The following CD300A variants were observed in gnomAD, a reference collection of about 807,000 sequenced individuals.
The protein encoded by CD300A is CD300a molecule.
A neutral mutation model predicts 33.6 loss-of-function variants in CD300A; 22 were observed. The observed-to-expected ratio is 0.66, with a 90% CI of 0.47 to 0.94. CD300A has a LOEUF of 0.94. Among genes scored for constraint, CD300A ranks in the 40% least tolerant of loss-of-function variants. The pLI, the probability that CD300A is intolerant of heterozygous loss-of-function variation, is 0.00. For missense variants in CD300A, 326 were observed against 360.5 expected, an observed-to-expected ratio of 0.90 and a Z score of 0.77; for synonymous variants, 136 against 148.1, an observed-to-expected ratio of 0.92 and a Z score of 0.59.
At chr17:74,483,620 G>T (rs1442550788) in intron 6 of CD300A, among the ~76,000 whole-genome samples, 1 of 152,166 alleles carries the variant, frequency 6.6e-6, no homozygotes, top group African/African-American at 2.4e-5. Flanking sequence ...GCCTCCCAAA[G>T]TGCTGGGATT....
chr17:74,468,874 T>A (rs573831713), intron 1 of CD300A, among the ~76,000 whole-genome samples: 29 of 152,320 alleles, frequency 1.9e-4, no homozygotes, highest in Non-Finnish European at 3.7e-4. Flanking sequence ...CCCAAGGTGG[T>A]CTCGAACTCC....
intron 1 of CD300A, among the ~76,000 whole-genome samples, chr17:74,468,860 G>A (rs1905903741): frequency 6.6e-6 from 1 of 152,178 alleles, no homozygotes; most frequent in African/African-American, 2.4e-5. Context: ...GTTTCACCAT[G>A]TTGCCCAAGG....
intron 1 of CD300A, among the ~76,000 whole-genome samples, chr17:74,471,458 T>C (rs1906095575): frequency 6.6e-6 from 1 of 152,216 alleles, no homozygotes; most frequent in Non-Finnish European, 1.5e-5. Flanking sequence ...ATTTTATACC[T>C]GTGATCTCAT....
chr17:74,477,646 C>T, intron 4 of CD300A, 116 bp downstream of exon 4: 1 of 628,210 alleles, frequency 1.6e-6, no homozygotes, highest in Non-Finnish European at 2.8e-6. Context: ...ATGTGACACC[C>T]AGACCACACA....
chr17:74,474,258 T>A (rs7212146), intron 2 of CD300A, among the ~76,000 whole-genome samples: 2,273 of 152,156 alleles, frequency 0.015, 21 homozygotes, highest in Admixed American at 0.026. Flanking sequence ...ATTTGCAGTG[T>A]AGACAGACTC....
In CD300A at chr17:74,484,098, C is replaced by T. The variant is rs867758819; in HGVS notation, c.872C>T (p.Ser291Leu). The change falls in exon 7 of 7, where the codon TCA becomes TTA. Residue 291 changes from serine (S) to leucine (L), a missense_variant. Physicochemically the swap from Ser to Leu is moderately radical, Grantham distance 145 (BLOSUM62 -2). Coordinates refer to ENST00000360141, the MANE Select transcript of CD300A (RefSeq NM_007261.4). ...AQRPREEEPD[S>L]DYSVIRKT is the part of the protein sequence containing the mutation. ...AGGCCTCGGGAGGAGGAACCAGATT[C>T]AGATTACAGTGTGATAAGGAAGACA... 6.2e-7 allele frequency: 1 copy of T among 1,614,016 alleles called. No individual in the cohort carries two copies. The highest frequency in any genetic ancestry group is 8.5e-7 in the Non-Finnish European group (1 of 1,179,966).
In CD300A at chr17:74,484,301, G is replaced by A. The variant is rs1168623839; in HGVS notation, c.*175G>A. 14 of 625,724 alleles carry A rather than the reference G, an allele frequency of 2.2e-5. No individual in the cohort carries two copies. Among genetic ancestry groups the A allele is most frequent in the East Asian group, 1.2e-4 (4 of 32,136 alleles). 38.8% of individuals were successfully genotyped at this position (625,724 alleles called of 1,614,324 possible). ...TGCCATCAGCTTGATTGGCTTCCCC[G>A]AGGGCCAGCAGGGCTGGGGGCTCCG... On this transcript the variant is annotated 3_prime_UTR_variant, in exon 7 of 7. Transcript: ENST00000360141.
In CD300A at chr17:74,473,595, G is replaced by A. The variant is rs568855745; in HGVS notation, c.100G>A (p.Val34Met). 1.0e-4 allele frequency: 165 copies of A among 1,614,226 alleles called. 2 individuals carry two copies. In the South Asian group the frequency reaches 1.7e-3, roughly 16 times the overall value. ...VAGPVGGSLS[V>M]QCPYEKEHRT... The stretch of plus-strand genomic sequence containing the variant: ...GGGCCCCGTGGGGGGATCCCTGAGT[G>A]TGCAGTGTCCCTATGAGAAGGAACA... Residue 34 changes from valine to methionine, a missense_variant, in exon 2 of 7, where the codon GTG becomes ATG. Val to Met is a conservative substitution (Grantham distance 21). Coordinates refer to ENST00000360141, the MANE Select transcript of CD300A (RefSeq NM_007261.4).
chr17:74,477,349 C>CAAAAAATAAAAAT, intron 3 of CD300A, 87 bp from the exon 4 acceptor site: 2 of 902,994 alleles, frequency 2.2e-6, no homozygotes, highest in South Asian at 1.7e-5. Flanking sequence ...GATCCTGTCT[C>CAAAAAATAAAAAT]AAAAAATAAA....
intron 4 of CD300A, among the ~76,000 whole-genome samples, chr17:74,479,448 TA>T (rs1906693364): frequency 6.6e-6 from 1 of 151,884 alleles, no homozygotes; most frequent in South Asian, 2.1e-4. Flanking sequence ...GGGGTTTCAC[TA>T]TGTTGCCCAG....
At chr17:74,477,585 A>ACCCCAGGTGGGG in intron 4 of CD300A, 55 bp downstream of exon 4, 1 of 1,146,200 alleles carries the variant, frequency 8.7e-7, no homozygotes, top group Non-Finnish European at 1.3e-6. Flanking sequence ...GACCCTGACC[A>ACCCCAGGTGGGG]CAGACGCTCA....
intron 1 of CD300A, chr17:74,470,223 G>A (rs1393152220): frequency 1.0e-6 from 1 of 985,444 alleles, no homozygotes; most frequent in Non-Finnish European, 1.2e-6. Flanking sequence ...GAGCACTGGG[G>A]ATCCATGTGA....
At position 74,473,776 on chromosome 17, in the gene CD300A, C is replaced by G. The variant is rs141175953; in HGVS notation, c.281C>G (p.Thr94Arg). ...LSFTVTLENL[T>R]EEDAGTYWCG... ...TTCACAGTGACCCTGGAGAATCTCA[C>G]AGAGGAGGATGCAGGCACCTACTGG... is the stretch of plus-strand genomic sequence containing the variant. Residue 94 changes from threonine (T) to arginine (R), a missense_variant, in exon 2 of 7, where the codon ACA becomes AGA. By Grantham distance (71) the Thr-to-Arg change is moderately conservative. Transcript: ENST00000360141. The G allele has an allele frequency of 6.2e-7, 1 of 1,614,234 alleles. No homozygotes were observed. The highest frequency in any genetic ancestry group is 1.1e-5 in the South Asian group (1 of 91,088).
Position 74,475,701 on chromosome 17 carries a change from T to A in CD300A, c.533+1016T>A, listed in dbSNP as rs193107724. ...CCAGAGTTAGTGCAGACCCCACAGGTGAAGAGCTTCCACATCTAAATCAGA... is the reference window on the plus strand; with the variant it reads ...CCAGAGTTAGTGCAGACCCCACAGGAGAAGAGCTTCCACATCTAAATCAGA... On this transcript the variant is annotated intron_variant, in intron 3 of 6. Transcript: ENST00000360141. Among the ~76,000 whole-genome samples, 5 of 152,114 alleles carry A rather than the reference T, an allele frequency of 3.3e-5. No homozygotes were observed. The East Asian group carries it at 7.7e-4, about 24-fold the overall frequency.
At chr17:74,474,198 AG>A (rs1906310514) in intron 2 of CD300A, among the ~76,000 whole-genome samples, 1 of 151,012 alleles carries the variant, frequency 6.6e-6, no homozygotes, top group Non-Finnish European at 1.5e-5. Context: ...CTGGGGGGCC[AG>A]ATGGGAAGCT....
At chr17:74,483,928 C>T in intron 6 of CD300A, 73 bp from the exon 7 acceptor site, 2 of 1,567,820 alleles carry the variant, frequency 1.3e-6, no homozygotes, top group Non-Finnish European at 1.7e-6. Flanking sequence ...GTCCTCCCTC[C>T]TCCATCCTAT....
At chr17:74,481,912 G>A in intron 6 of CD300A, 79 bp downstream of exon 6, 2 of 1,013,550 alleles carry the variant, frequency 2.0e-6, no homozygotes, top group Non-Finnish European at 3.0e-6. Context: ...GGCAGAAGGG[G>A]AAGGAAGGGG....
At chr17:74,477,914 G>A (rs895249841) in intron 4 of CD300A, among the ~76,000 whole-genome samples, 7 of 152,106 alleles carry the variant, frequency 4.6e-5, no homozygotes, top group African/African-American at 9.7e-5. Context: ...ACCAGCCTGC[G>A]CAACACAACA....
At chr17:74,482,732 T>TTCTTTCTTTCTTTTCTTTCTC (rs1336360956) in intron 6 of CD300A, among the ~76,000 whole-genome samples, 2 of 132,948 alleles carry the variant, frequency 1.5e-5, no homozygotes, top group South Asian at 4.5e-4. Context: ...CTTTCTTTCT[T>TTCTTTCTTTCTTTTCTTTCTC]TGGAATCTCG....
Sources: allele counts gnomAD v4.1 joint callset (sites outside exome capture counted in the v4.1 genomes callset), GRCh38; gene constraint gnomAD v4.1.1; transcripts MANE v1.5; gene names NCBI Gene and HGNC (gene_info 2026-07-23, HGNC 2026-07-21).